Variants in DUSP14 observed in about 807,000 individuals in gnomAD.
DUSP14 encodes dual specificity phosphatase 14.
Under a neutral mutation model 13.2 loss-of-function variants are expected in DUSP14, and 5 were observed. The ratio of observed to expected loss-of-function variants is 0.38; its 90% CI spans 0.20 to 0.80. The LOEUF is 0.80. DUSP14 is among the 30% of genes least tolerant of loss of function. DUSP14 has a pLI of 0.44. For synonymous variants in DUSP14, 91 were observed against 103.4 expected (o/e 0.88, Z 0.73); for missense variants, 185 against 264.0 (o/e 0.70, Z 2.07).
At chr17:37,509,358 C>T (rs2054168096) in intron 1 of DUSP14, among the ~76,000 whole-genome samples, 1 of 132,586 alleles carries the variant, frequency 7.5e-6, no homozygotes, top group Non-Finnish European at 1.6e-5. Flanking sequence ...GCTCTGTTGC[C>T]CAGGCTGGAG....
intron 1 of DUSP14, among the ~76,000 whole-genome samples, chr17:37,498,825 G>T (rs1247861625): frequency 6.6e-6 from 1 of 152,082 alleles, no homozygotes; most frequent in African/African-American, 2.4e-5. Context: ...CTAGAAATGT[G>T]AATTCCCAGG....
At chr17:37,509,232 CTATATACACACTATATATATA>C (rs2054162156) in intron 1 of DUSP14, among the ~76,000 whole-genome samples, 2 of 98,572 alleles carry the variant, frequency 2.0e-5, no homozygotes, top group Non-Finnish European at 2.0e-5. Flanking sequence ...TATATACACA[CTATATACACACTATATATATA>C]TATATATATA....
At chr17:37,499,819 C>T (rs2054093766) in intron 1 of DUSP14, among the ~76,000 whole-genome samples, 2 of 152,244 alleles carry the variant, frequency 1.3e-5, no homozygotes, top group African/African-American at 4.8e-5. Context: ...CGTGAGCCAC[C>T]ATGCCCAGCC....
chr17:37,491,017 C>T (rs2054024455), intron 1 of DUSP14, among the ~76,000 whole-genome samples: 1 of 152,140 alleles, frequency 6.6e-6, no homozygotes, highest in Admixed American at 6.6e-5. Context: ...TCAGAGAGGC[C>T]GAGGCCAGCC....
intron 1 of DUSP14, among the ~76,000 whole-genome samples, chr17:37,503,500 G>T (rs928852912): frequency 6.6e-6 from 1 of 152,234 alleles, no homozygotes; most frequent in Non-Finnish European, 1.5e-5. Context: ...CATCTCTGGT[G>T]AATACATTCT....
In DUSP14 at chr17:37,512,797, G is replaced by C; in HGVS notation, c.525G>C (p.Gln175His). Residue 175 changes from glutamine (Q) to histidine (H), a missense_variant, in exon 3 of 3, where the codon CAG becomes CAC. Transcript: ENST00000617516. The surrounding 1 kb of genome is among the most constrained non-coding windows in gnomAD (Gnocchi z 4.8). ...GGAAGTCGACAGTTAAAATGGTACA[G>C]ACACCTTATGGCATAGTTCCCGACG... ...LFGKSTVKMV[Q>H]TPYGIVPDVY... is the part of the protein sequence containing the mutation. 1 of 1,613,776 alleles carries C rather than the reference G, an allele frequency of 6.2e-7. No individual in the cohort carries two copies.
In DUSP14 at chr17:37,512,389, C is replaced by T; in HGVS notation, c.117C>T (p.Gly39=). ...QITSSLFLGR[G]SVASNRHLLQ... is the part of the protein sequence containing the mutation. ...CCTCCTCTCTATTCCTGGGCAGAGG[C>T]AGTGTGGCCTCCAATCGGCACCTCC... Residue 39 remains glycine (G), a synonymous_variant, in exon 3 of 3, where the codon GGC becomes GGT. Transcript: ENST00000617516. This position sits in a 1 kb window ranked among gnomAD's most constrained non-coding sequence, Gnocchi z 4.8. 6.2e-7 allele frequency: 1 copy of T among 1,614,172 alleles called. No homozygotes were observed. Among genetic ancestry groups the T allele is most frequent in the Non-Finnish European group, 8.5e-7 (1 of 1,180,022 alleles).
At chr17:37,497,977 T>C (rs2054077059) in intron 1 of DUSP14, among the ~76,000 whole-genome samples, 1 of 151,608 alleles carries the variant, frequency 6.6e-6, no homozygotes, top group Non-Finnish European at 1.5e-5. Context: ...GTCCCAGAGG[T>C]TGAGGCTGCA....
chr17:37,496,065 A>G (rs2054063254), intron 1 of DUSP14, among the ~76,000 whole-genome samples: 1 of 152,264 alleles, frequency 6.6e-6, no homozygotes, highest in Non-Finnish European at 1.5e-5. Flanking sequence ...TTGCCAATTT[A>G]GCTAAAATCT....
At chr17:37,509,271 A>AG (rs749809905) in intron 1 of DUSP14, among the ~76,000 whole-genome samples, 3,236 of 74,408 alleles carry the variant, frequency 0.043, 135 homozygotes, top group African/African-American at 0.082. Flanking sequence ...ATATATATAT[A>AG]TATATATATA....
chr17:37,512,384 A>C lies in DUSP14; in HGVS notation c.112A>C (p.Arg38=). ...AATCACCTCCTCTCTATTCCTGGGCAGAGGCAGTGTGGCCTCCAATCGGCA... is the reference window on the plus strand; with the variant it reads ...AATCACCTCCTCTCTATTCCTGGGCCGAGGCAGTGTGGCCTCCAATCGGCA... ...AQITSSLFLG[R]GSVASNRHLL... The change falls in exon 3 of 3, where the codon AGA becomes CGA. Residue 38 remains arginine, a synonymous_variant. Transcript: ENST00000617516. This position sits in a 1 kb window ranked among gnomAD's most constrained non-coding sequence, Gnocchi z 4.8. The C allele has an allele frequency of 9.9e-6, 16 of 1,614,194 alleles. No individual in the cohort carries two copies. Among genetic ancestry groups the C allele is most frequent in the Non-Finnish European group, 1.4e-5 (16 of 1,180,038 alleles).
chr17:37,500,825 A>C (rs545872540), intron 1 of DUSP14, among the ~76,000 whole-genome samples: 10 of 152,282 alleles, frequency 6.6e-5, no homozygotes, highest in African/African-American at 2.4e-4. Context: ...ATCTTGTACC[A>C]CCAACAGTTT....
chr17:37,501,446 A>T (rs1441620402), intron 1 of DUSP14, among the ~76,000 whole-genome samples: 1 of 152,088 alleles, frequency 6.6e-6, no homozygotes, highest in African/African-American at 2.4e-5. Flanking sequence ...ACACTTGCTA[A>T]ATGGTGAGGG....
In DUSP14 at chr17:37,513,213, A is replaced by G. The variant is rs2054209005; in HGVS notation, c.*344A>G. The G allele has an allele frequency of 3.8e-6, 1 of 263,582 alleles. No homozygotes were observed. Among genetic ancestry groups the G allele is most frequent in the African/African-American group, 2.2e-5 (1 of 44,832 alleles). 16.3% of individuals were successfully genotyped at this position (263,582 alleles called of 1,614,324 possible). A position where few individuals can be genotyped will look rare whatever the true frequency, so the allele number is the denominator to read the frequency against. ...GTAGGTGCAGGAGGAGCTCAGTGCAAAAATCACTTTGGGGCCTCATTAACC... is the reference window on the plus strand; with the variant it reads ...GTAGGTGCAGGAGGAGCTCAGTGCAGAAATCACTTTGGGGCCTCATTAACC... On this transcript the variant is annotated 3_prime_UTR_variant, in exon 3 of 3. Coordinates refer to ENST00000617516, the MANE Select transcript of DUSP14 (RefSeq NM_007026.4).
chr17:37,495,816 C>T (rs527522406), intron 1 of DUSP14, among the ~76,000 whole-genome samples: 17 of 152,138 alleles, frequency 1.1e-4, no homozygotes, highest in African/African-American at 4.1e-4. Context: ...CATGCCACCA[C>T]GCCCAGCTAA....
At chr17:37,503,917 G>A (rs970707935) in intron 1 of DUSP14, among the ~76,000 whole-genome samples, 10 of 152,244 alleles carry the variant, frequency 6.6e-5, no homozygotes, top group Admixed American at 3.9e-4. Flanking sequence ...GGGGCTGGGC[G>A]TGGTGGCCCA....
chr17:37,512,056 T>C lies in DUSP14; in HGVS notation c.-92-125T>C. The C allele has an allele frequency of 2.1e-6, 1 of 476,064 alleles. No individual in the cohort carries two copies. The highest frequency in any genetic ancestry group is 5.3e-5 in the South Asian group (1 of 19,002). 29.5% of individuals were successfully genotyped at this position (476,064 alleles called of 1,614,324 possible). ...ATTGATAGAAAATGATTTGTCTGTA[T>C]CCTTGAAAGATTGTACTGTATTATT... is the stretch of plus-strand genomic sequence containing the variant. On this transcript the variant is annotated intron_variant, in intron 2 of 2. Transcript: ENST00000617516. This position sits in a 1 kb window ranked among gnomAD's most constrained non-coding sequence, Gnocchi z 4.8.
Position 37,512,734 on chromosome 17 carries a change from C to T in DUSP14, c.462C>T (p.Phe154=). The T allele has an allele frequency of 6.2e-7, 1 of 1,614,022 alleles. No homozygotes were observed. The highest frequency in any genetic ancestry group is 1.1e-5 in the South Asian group (1 of 91,088). The change falls in exon 3 of 3, where the codon TTC becomes TTT. Residue 154 remains phenylalanine, a synonymous_variant. Transcript: ENST00000617516. The surrounding 1 kb of genome is among the most constrained non-coding windows in gnomAD (Gnocchi z 4.8). ...CTGTCATCAGGCCCAACGTAGGCTT[C>T]TGGAGGCAACTGATAGACTACGAGC... ...RRPVIRPNVG[F]WRQLIDYERQ...
chr17:37,511,934 CCCA>C (rs2054190586), intron 2 of DUSP14, among the ~76,000 whole-genome samples: 2 of 31,124 alleles, frequency 6.4e-5, no homozygotes, highest in African/African-American at 1.1e-4. Context: ...CCCCCCCCAC[CCCA>C]CTTTTTTTTT....
Sources: gnomAD v4.1 joint callset for allele counts (sites outside exome capture counted in the v4.1 genomes callset) on GRCh38, gnomAD v4.1.1 for gene constraint, Gnocchi (gnomAD v3.1) non-coding constraint, MANE v1.5 for transcripts, NCBI Gene and HGNC (gene_info 2026-07-23, HGNC 2026-07-21) for gene names.